The following TEX11 variants were observed in gnomAD, a reference collection of about 807,000 sequenced individuals.
TEX11 encodes testis expressed 11, also known as testis-expressed protein 11.
Under a neutral mutation model 84.4 loss-of-function variants are expected in TEX11, and 7 were observed. The ratio of observed to expected loss-of-function variants is 0.08; its 90% CI spans 0.05 to 0.16. The LOEUF is 0.16. TEX11 is among the 10% of genes least tolerant of loss of function. The pLI, the probability that TEX11 is intolerant of heterozygous loss-of-function variation, is 1.00. For synonymous variants in TEX11, 264 were observed against 222.8 expected (o/e 1.18, Z -1.64); for missense variants, 551 against 660.5 (o/e 0.83, Z 1.82).
chrX:70,757,084 G>T (rs1602103028), intron 9 of TEX11, among the ~76,000 whole-genome samples: 1 of 112,100 alleles, frequency 8.9e-6, no homozygotes, highest in East Asian at 2.8e-4. Context: ...AGAGTGAAAA[G>T]AAACGGACAA....
chrX:70,546,513 C>A (rs1467946393), intron 28 of TEX11, among the ~76,000 whole-genome samples: 1 of 110,539 alleles, frequency 9.0e-6, no homozygotes, highest in African/African-American at 3.3e-5. Flanking sequence ...GGACTTGTAT[C>A]CAGAATATAT....
chrX:70,903,687 A>ATT (rs2091815054), intron 2 of TEX11, among the ~76,000 whole-genome samples: 1 of 110,560 alleles, frequency 9.0e-6, no homozygotes, highest in African/African-American at 3.3e-5. Flanking sequence ...TGTTTGAACA[A>ATT]ACTGAGAATG....
intron 26 of TEX11, 29 bp downstream of exon 26, chrX:70,554,622 C>T (rs943796467): frequency 8.6e-7 from 1 of 1,161,793 alleles, no homozygotes; most frequent in East Asian, 3.1e-5. Flanking sequence ...TGGGCACCAG[C>T]CTTACAAAAG....
downstream of TEX11, among the ~76,000 whole-genome samples, chrX:70,524,556 T>C (rs964282546): frequency 3.6e-5 from 4 of 112,296 alleles, no homozygotes; most frequent in Non-Finnish European, 7.5e-5. Context: ...TTAGATGGTT[T>C]TTTTGTTGTT....
At chrX:70,734,483 G>A (rs961592412) in intron 11 of TEX11, among the ~76,000 whole-genome samples, 6 of 111,315 alleles carry the variant, frequency 5.4e-5, no homozygotes, top group Non-Finnish European at 1.1e-4. Context: ...TATCTGTTTA[G>A]TAAGGTAACA....
At chrX:70,624,217 G>A (rs1293228876) in intron 19 of TEX11, among the ~76,000 whole-genome samples, 2 of 111,761 alleles carry the variant, frequency 1.8e-5, no homozygotes, top group Non-Finnish European at 3.8e-5. Flanking sequence ...TTTGAAAGAG[G>A]AATTTAATAA....
At chrX:70,523,710 C>T in the TEX11 span, among the ~76,000 whole-genome samples, 9 of 108,334 alleles carry the variant, frequency 8.3e-5, no homozygotes, top group South Asian at 1.3e-3. Flanking sequence ...GTGATCTGCC[C>T]GCCTCGGCCT....
chrX:70,521,260 T>C, the TEX11 span, among the ~76,000 whole-genome samples: 2 of 111,141 alleles, frequency 1.8e-5, no homozygotes, highest in East Asian at 5.7e-4. Flanking sequence ...TGTTCCTATT[T>C]GGCCATCTTG....
chrX:70,771,408 C>T (rs2090971228), intron 9 of TEX11, among the ~76,000 whole-genome samples: 1 of 112,184 alleles, frequency 8.9e-6, no homozygotes, highest in Non-Finnish European at 1.9e-5. Flanking sequence ...ATTCAAATGT[C>T]TTCTGTTATT....
Position 70,817,473 on chromosome X carries a change from T to C in TEX11, c.607-10683A>G, listed in dbSNP as rs781535799. Among the ~76,000 whole-genome samples, 7 of 112,046 alleles carry C rather than the reference T, an allele frequency of 6.2e-5. No individual in the cohort carries two copies. The South Asian group carries it at 2.6e-3, about 41-fold the overall frequency. On this transcript the variant is annotated intron_variant, in intron 8 of 29. Transcript: ENST00000374333. ...ACACGTGCCTGTAGTCCCAGAAGGCTGAGGTGGGAAGATTGCTTGAGCCCG... is the reference window on the plus strand; with the variant it reads ...ACACGTGCCTGTAGTCCCAGAAGGCCGAGGTGGGAAGATTGCTTGAGCCCG...
At chrX:70,645,084 G>C (rs1320047383) in intron 17 of TEX11, among the ~76,000 whole-genome samples, 1 of 109,901 alleles carries the variant, frequency 9.1e-6, no homozygotes, top group African/African-American at 3.3e-5. Flanking sequence ...ATAAAACCGA[G>C]ATGGAATCAT....
At chrX:70,670,607 T>C in intron 15 of TEX11, 93 bp from the exon 16 acceptor site, 1 of 1,029,238 alleles carries the variant, frequency 9.7e-7, no homozygotes, top group Non-Finnish European at 1.3e-6. Flanking sequence ...ATGCTGTTGG[T>C]TTCTTTTTTA....
intron 14 of TEX11, among the ~76,000 whole-genome samples, chrX:70,681,826 G>T (rs1367920145): frequency 9.0e-6 from 1 of 111,168 alleles, no homozygotes; most frequent in East Asian, 2.8e-4. Flanking sequence ...CTGGAGGGAG[G>T]GTGTTATCAG....
intron 9 of TEX11, among the ~76,000 whole-genome samples, chrX:70,801,653 CTTT>C (rs2091189179): frequency 2.3e-5 from 2 of 87,599 alleles, no homozygotes; most frequent in African/African-American, 8.1e-5. Flanking sequence ...TTCTTTCTTT[CTTT>C]CTTTCTTTCT....
chrX:70,898,591 T>C (rs1048606892), intron 2 of TEX11, among the ~76,000 whole-genome samples: 6 of 95,646 alleles, frequency 6.3e-5, no homozygotes, highest in African/African-American at 2.3e-4. Context: ...CTCAATGTCT[T>C]TATTTTATAA....
intron 8 of TEX11, among the ~76,000 whole-genome samples, chrX:70,811,233 T>C: frequency 9.5e-6 from 1 of 105,558 alleles, no homozygotes. Context: ...TGTCCAAGTG[T>C]TCTCATTGTT....
intron 8 of TEX11, among the ~76,000 whole-genome samples, chrX:70,808,936 T>C (rs2091236707): frequency 8.9e-6 from 1 of 111,776 alleles, no homozygotes; most frequent in Non-Finnish European, 1.9e-5. Flanking sequence ...TCATGCAACC[T>C]TTCTCAAGAA....
chrX:70,869,612 C>CA (rs951659715), intron 4 of TEX11, among the ~76,000 whole-genome samples: 5 of 111,189 alleles, frequency 4.5e-5, no homozygotes, highest in African/African-American at 6.5e-5. Flanking sequence ...CCTGTATCTA[C>CA]AAAAAATACA....
At chrX:70,722,869 A>G (rs1248778093) in intron 12 of TEX11, among the ~76,000 whole-genome samples, 173 bp from the exon 13 acceptor site, 1 of 111,946 alleles carries the variant, frequency 8.9e-6, no homozygotes, top group Non-Finnish European at 1.9e-5. Context: ...AGTGCTGGAG[A>G]GTGTCATGAC....
Sources: allele counts gnomAD v4.1 joint callset (sites outside exome capture counted in the v4.1 genomes callset), GRCh38; gene constraint gnomAD v4.1.1; transcripts MANE v1.5; gene names NCBI Gene and HGNC (gene_info 2026-07-23, HGNC 2026-07-21).